APTX: variants seen among roughly 807,000 people sequenced by gnomAD.
APTX encodes the protein forkhead-associated domain histidine triad-like protein.
In APTX, 33 loss-of-function variants were observed where a neutral mutation model predicts 42.3. That is an observed-to-expected ratio of 0.78 (90% CI 0.59 to 1.04). The LOEUF (loss-of-function observed/expected upper bound fraction) is 1.04. APTX is among the 50% of genes least tolerant of loss of function. APTX has a pLI of 0.00. For missense variants in APTX, 421 were observed against 415.1 expected (o/e 1.01, Z -0.12); for synonymous variants, 130 against 146.7 (o/e 0.89, Z 0.82).
At chr9:32,991,610 T>G (rs1833654774) in intron 1 of APTX, among the ~76,000 whole-genome samples, 2 of 152,108 alleles carry the variant, frequency 1.3e-5, no homozygotes. Context: ...GGTAAAACCC[T>G]ATCTCTACTA....
chr9:32,994,727 T>C (rs1208392030), intron 1 of APTX, among the ~76,000 whole-genome samples: 1 of 152,232 alleles, frequency 6.6e-6, no homozygotes, highest in Non-Finnish European at 1.5e-5. Flanking sequence ...ATCTTTGATC[T>C]TTGATGCTAC....
rs1354976750 is a variant in APTX, at chr9:33,013,135, T to C, written c.-5+11888A>G. ...ATTTCCTCTGTTTGAATAGGATAAT[T>C]TCTATGACCATTACTATTAGCAAAC... is the stretch of plus-strand genomic sequence containing the variant. On this transcript the variant is annotated intron_variant, in intron 1 of 6. Transcript: ENST00000436040. 3.3e-5 allele frequency among the ~76,000 whole-genome samples: 5 copies of C among 152,332 alleles called. No individual in the cohort carries two copies. The East Asian group carries it at 9.6e-4, about 29-fold the overall frequency.
At chr9:32,979,863 G>T in intron 6 of APTX, 1 of 172,298 alleles carries the variant, frequency 5.8e-6, no homozygotes, top group Non-Finnish European at 1.3e-5. Context: ...TTTGCATTTC[G>T]TACCTATATT....
At chr9:33,019,643 G>T in intron 1 of APTX, 1 of 404,428 alleles carries the variant, frequency 2.5e-6, no homozygotes, top group Non-Finnish European at 4.6e-6. Flanking sequence ...AGGGAGGATG[G>T]ATGCACTGCC....
intron 1 of APTX, among the ~76,000 whole-genome samples, chr9:33,012,466 A>T (rs1019323081): frequency 6.6e-6 from 1 of 152,188 alleles, no homozygotes; most frequent in African/African-American, 2.4e-5. Flanking sequence ...CCAATGGGAC[A>T]CTACCAAGTA....
At chr9:32,988,012 C>T in intron 3 of APTX, 71 bp downstream of exon 3, 1 of 1,557,264 alleles carries the variant, frequency 6.4e-7, no homozygotes, top group Non-Finnish European at 8.9e-7. Flanking sequence ...CACTGGCTGG[C>T]ACAGACACTC....
At chr9:33,006,949 T>A (rs12554808) in intron 1 of APTX, among the ~76,000 whole-genome samples, 28,806 of 133,308 alleles carry the variant, frequency 0.22, 3,058 homozygotes, top group Middle Eastern at 0.39. Flanking sequence ...GCAGTAAGCC[T>A]AGATTGCGCC....
At chr9:32,988,206 C>G (rs1832669759) in intron 2 of APTX, 77 bp from the exon 3 acceptor site, 2 of 1,339,414 alleles carry the variant, frequency 1.5e-6, no homozygotes, top group African/African-American at 2.9e-5. Flanking sequence ...CTAAAGAAAA[C>G]AAGCTTCACT....
intron 1 of APTX, among the ~76,000 whole-genome samples, chr9:33,007,747 T>C (rs1837260243): frequency 6.6e-6 from 1 of 152,034 alleles, no homozygotes; most frequent in Non-Finnish European, 1.5e-5. Flanking sequence ...TTTATGCTAC[T>C]AAGTGTAATG....
At chr9:32,983,924 T>C (rs375228370) in intron 6 of APTX, among the ~76,000 whole-genome samples, 2 of 152,112 alleles carry the variant, frequency 1.3e-5, no homozygotes, top group African/African-American at 2.4e-5. Flanking sequence ...TGGAGATAGA[T>C]GGTAGTAATG....
rs1346069350 is a variant in APTX at position 33,012,579 on chromosome 9, T to TA, written c.-5+12443dup. On this transcript the variant is annotated intron_variant, in intron 1 of 6. Coordinates refer to the APTX transcript ENST00000436040. ...CTGCCATGCTGTAAGAAGCCCAACT[T>TA]AGCCACATGAAGGAGAGGTCCCAGC... Among the ~76,000 whole-genome samples the TA allele has an allele frequency of 3.3e-5, 5 of 152,240 alleles. No individual in the cohort carries two copies. In the East Asian group the frequency reaches 5.8e-4, roughly 18 times the overall value.
chr9:33,000,643 AAAAAG>A (rs1554672734), intron 1 of APTX, among the ~76,000 whole-genome samples: 16 of 146,480 alleles, frequency 1.1e-4, no homozygotes, highest in East Asian at 2.0e-4. Flanking sequence ...AAAAAAAAAA[AAAAAG>A]AAAAGAAAAG....
intron 1 of APTX, among the ~76,000 whole-genome samples, chr9:32,999,202 A>AT (rs898802719): frequency 8.5e-5 from 13 of 152,222 alleles, no homozygotes; most frequent in African/African-American, 3.1e-4. Flanking sequence ...TAATCAAAAA[A>AT]TTTTTATCTG....
At chr9:33,024,550 T>C (rs1838689788) in intron 1 of APTX, among the ~76,000 whole-genome samples, 1 of 152,182 alleles carries the variant, frequency 6.6e-6, no homozygotes, top group Non-Finnish European at 1.5e-5. Context: ...GGTGAAAACC[T>C]GACCAGAGGA....
intron 1 of APTX, among the ~76,000 whole-genome samples, chr9:33,000,143 C>T (rs113917373): frequency 5.2e-4 from 79 of 152,272 alleles, no homozygotes; most frequent in African/African-American, 1.8e-3. Context: ...TTAACCTCTC[C>T]AAGCCTTCAT....
intron 1 of APTX, among the ~76,000 whole-genome samples, chr9:33,017,866 CAT>C (rs1194343940): frequency 1.3e-5 from 2 of 151,348 alleles, no homozygotes; most frequent in Non-Finnish European, 2.9e-5. Flanking sequence ...CCCTGGAGGT[CAT>C]AGTGTGAGGC....
At chr9:33,019,917 A>AG in intron 1 of APTX, 1 of 522,220 alleles carries the variant, frequency 1.9e-6, no homozygotes. Flanking sequence ...TCCACCTCTA[A>AG]GGGGGTCGGG....
chr9:33,021,804 C>A (rs1838403202), intron 1 of APTX, among the ~76,000 whole-genome samples: 1 of 152,062 alleles, frequency 6.6e-6, no homozygotes, highest in Non-Finnish European at 1.5e-5. Flanking sequence ...AAATAACTTT[C>A]AGATGGAATA....
chr9:33,000,506 T>C lies in APTX; in HGVS notation c.-5+1061A>G, dbSNP rs568903692. ...AGCCAGGCGTCGTGGCACACGCCTG[T>C]AATCCCAGCTCCTTGGGAGGCTGAG... On this transcript the variant is annotated intron_variant, in intron 1 of 7. Transcript: ENST00000379817. Among the ~76,000 whole-genome samples, 181 of 150,866 alleles carry C rather than the reference T, an allele frequency of 1.2e-3. 2 individuals carry two copies. The highest frequency in any genetic ancestry group is 4.2e-3 in the African/African-American group (172 of 41,086).
Sources: allele counts gnomAD v4.1 joint callset (sites outside exome capture counted in the v4.1 genomes callset), GRCh38; gene constraint gnomAD v4.1.1; transcripts MANE v1.5; gene names NCBI Gene and HGNC (gene_info 2026-07-23, HGNC 2026-07-21).